SYNJ2: variants seen among roughly 807,000 people sequenced by gnomAD.
The protein encoded by SYNJ2 is synaptojanin 2, also known as polyphosphatidylinositol phosphatase SYNJ2.
In SYNJ2, 116 loss-of-function variants were observed where a neutral mutation model predicts 141.3. The ratio of observed to expected loss-of-function variants is 0.82; its 90% CI spans 0.71 to 0.96. The LOEUF (loss-of-function observed/expected upper bound fraction) is 0.96. Ranked by LOEUF, SYNJ2 falls within the 40% of genes least tolerant of loss-of-function variation. The probability of loss-of-function intolerance (pLI) is 0.00; values close to 1 mark genes in which losing one functional copy is unlikely to be tolerated. For synonymous variants in SYNJ2, 745 were observed against 777.7 expected (o/e 0.96, Z 0.70); for missense variants, 1,873 against 1,934.8 (o/e 0.97, Z 0.60).
rs2128398827 is a variant in SYNJ2 at position 158,089,874 on chromosome 6, T to C, written c.3492T>C (p.Asn1164=). The C allele has an allele frequency of 6.2e-7, 1 of 1,614,078 alleles. No individual in the cohort carries two copies. Among genetic ancestry groups the C allele is most frequent in the Non-Finnish European group, 8.5e-7 (1 of 1,179,998 alleles). The part of the protein sequence containing the change: ...KARTGISKPY[N]VKQIKTTNAQ... ...GGACTGGAATAAGTAAACCTTATAA[T>C]GTCAAGCAGATCAAAACCACCAATG... is the stretch of plus-strand genomic sequence containing the variant. Residue 1164 remains asparagine, a synonymous_variant, in exon 25 of 27, where the codon AAT becomes AAC. Coordinates refer to ENST00000355585, the MANE Select transcript of SYNJ2 (RefSeq NM_003898.4).
intron 16 of SYNJ2, among the ~76,000 whole-genome samples, chr6:158,076,185 G>A (rs1296951098): frequency 6.6e-6 from 1 of 152,146 alleles, no homozygotes; most frequent in South Asian, 2.1e-4. Flanking sequence ...GAGACCCCAG[G>A]GGGAGAGAGA....
At chr6:158,090,549 T>G (rs2477812) in intron 25 of SYNJ2, among the ~76,000 whole-genome samples, 71,314 of 139,302 alleles carry the variant, frequency 0.51, 18,112 homozygotes, top group East Asian at 0.59. Flanking sequence ...TTTGTTTTTT[T>G]TTTTTTTTTT....
chr6:157,994,892 G>T (rs781189542), intron 1 of SYNJ2, among the ~76,000 whole-genome samples: 2 of 152,178 alleles, frequency 1.3e-5, no homozygotes, highest in Non-Finnish European at 2.9e-5. Context: ...GTCCCAGGGG[G>T]TTCCTGGCCA....
At chr6:157,984,223 G>T (rs892073021) in intron 1 of SYNJ2, among the ~76,000 whole-genome samples, 9 of 152,184 alleles carry the variant, frequency 5.9e-5, no homozygotes, top group African/African-American at 2.2e-4. Flanking sequence ...TGGTGGCTTT[G>T]CTGGTCCAGA....
chr6:158,059,010 A>T (rs1473890549), intron 6 of SYNJ2, among the ~76,000 whole-genome samples: 1 of 152,272 alleles, frequency 6.6e-6, no homozygotes, highest in Non-Finnish European at 1.5e-5. Flanking sequence ...AAAGTGCAGC[A>T]TATCCTTTGT....
chr6:158,077,224 C>A (rs1168022009), intron 17 of SYNJ2, among the ~76,000 whole-genome samples: 1 of 152,136 alleles, frequency 6.6e-6, no homozygotes, highest in Non-Finnish European at 1.5e-5. Context: ...GAACTCCCAA[C>A]CTCAGGTGAT....
chr6:158,082,399 A>G (rs1355426502), intron 20 of SYNJ2, among the ~76,000 whole-genome samples: 1 of 101,920 alleles, frequency 9.8e-6, no homozygotes, highest in Non-Finnish European at 2.0e-5. Context: ...AGGCAGGAGA[A>G]TCACTTGAAC....
chr6:158,061,969 C>T (rs372970687), intron 7 of SYNJ2, 23 bp from the exon 8 acceptor site: 35 of 1,610,174 alleles, frequency 2.2e-5, no homozygotes, highest in Admixed American at 8.3e-5. Flanking sequence ...GCTCCCCTCA[C>T]CGCCCTCCCC....
intron 4 of SYNJ2, among the ~76,000 whole-genome samples, chr6:158,037,296 CA>C (rs762164055): frequency 1.6e-5 from 1 of 63,080 alleles, no homozygotes; most frequent in Non-Finnish European, 3.6e-5. Context: ...ATCTCTCCAT[CA>C]TCTCTGCCTC....
chr6:158,066,775 G>A, intron 12 of SYNJ2, 140 bp downstream of exon 12: 2 of 994,434 alleles, frequency 2.0e-6, no homozygotes, highest in Admixed American at 2.2e-5. Context: ...TAGCACCATG[G>A]CCTGACTCTC....
intron 2 of SYNJ2, chr6:158,026,900 C>T: frequency 1.0e-6 from 1 of 985,440 alleles, no homozygotes. Context: ...CGGAACCCCA[C>T]CTATCCTACT....
intron 1 of SYNJ2, among the ~76,000 whole-genome samples, chr6:157,997,950 T>C (rs1777696853): frequency 6.6e-6 from 1 of 152,252 alleles, no homozygotes; most frequent in African/African-American, 2.4e-5. Context: ...ATGACTTCAG[T>C]CGGTCAGAGA....
At chr6:158,083,219 C>A (rs1782812194) in intron 20 of SYNJ2, among the ~76,000 whole-genome samples, 1 of 152,118 alleles carries the variant, frequency 6.6e-6, no homozygotes, top group Admixed American at 6.6e-5. Flanking sequence ...AGGTGTGAGC[C>A]ACCGCACCCA....
At chr6:158,075,005 A>G (rs1175534416) in intron 16 of SYNJ2, among the ~76,000 whole-genome samples, 1 of 88,164 alleles carries the variant, frequency 1.1e-5, no homozygotes, top group African/African-American at 4.6e-5. Flanking sequence ...ATCTTGGCTC[A>G]CTGCAACCTC....
rs755067044 is a variant in SYNJ2, at chr6:158,095,985, C to T, written c.4112C>T (p.Pro1371Leu). The T allele has an allele frequency of 3.1e-6, 5 of 1,614,220 alleles. No individual in the cohort carries two copies. In the African/African-American group the frequency reaches 4.0e-5, roughly 13 times the overall value. ...AGCAGTGACAGCCCCTCTGGGCACC[C>T]ACCTGCCGCGGGCACCGTCTTCCCA... ...YNSSDSPSGH[P>L]PAAGTVFPQG... Residue 1371 changes from proline to leucine, a missense_variant, in exon 27 of 27, where the codon CCA becomes CTA. Coordinates refer to ENST00000355585, the MANE Select transcript of SYNJ2 (RefSeq NM_003898.4).
intron 2 of SYNJ2, among the ~76,000 whole-genome samples, chr6:158,025,660 C>CA (rs1183818166): frequency 3.1e-4 from 45 of 144,848 alleles, no homozygotes; most frequent in Non-Finnish European, 5.5e-4. Flanking sequence ...AACTCCATCT[C>CA]AAAAAAAAAT....
chr6:158,074,835 G>C, intron 16 of SYNJ2, 97 bp downstream of exon 16: 4 of 1,405,206 alleles, frequency 2.8e-6, no homozygotes, highest in Non-Finnish European at 3.9e-6. Context: ...AGTTCCGTGA[G>C]TGGATTTCAC....
chr6:158,068,136 T>A (rs1361825212), intron 12 of SYNJ2, among the ~76,000 whole-genome samples: 1 of 128,746 alleles, frequency 7.8e-6, no homozygotes, highest in Non-Finnish European at 1.7e-5. Context: ...GGGATTGTTT[T>A]ATTTAAAAAA....
intron 4 of SYNJ2, among the ~76,000 whole-genome samples, chr6:158,033,903 G>A (rs1583364237): frequency 6.6e-6 from 1 of 152,206 alleles, no homozygotes; most frequent in East Asian, 1.9e-4. Context: ...CTCATGCAGG[G>A]AAAATGCTGC....
Sources: gnomAD v4.1 joint callset for allele counts (sites outside exome capture counted in the v4.1 genomes callset) on GRCh38, gnomAD v4.1.1 for gene constraint, MANE v1.5 for transcripts, NCBI Gene and HGNC (gene_info 2026-07-23, HGNC 2026-07-21) for gene names.